PRKAR2B: variants seen among roughly 807,000 people sequenced by gnomAD.
PRKAR2B encodes cAMP-dependent protein kinase type II-beta regulatory subunit.
In PRKAR2B, 14 loss-of-function variants were observed where a neutral mutation model predicts 49.9. The ratio of observed to expected loss-of-function variants is 0.28; its 90% CI spans 0.19 to 0.44. The LOEUF is 0.44. Among genes scored for constraint, PRKAR2B ranks in the 20% least tolerant of loss-of-function variants. PRKAR2B has a pLI of 1.00. For synonymous variants in PRKAR2B, 196 were observed against 197.7 expected (o/e 0.99, Z 0.07); for missense variants, 393 against 537.9 (o/e 0.73, Z 2.67).
chr7:107,128,707 A>G (rs1371421844), intron 4 of PRKAR2B: 2 of 156,102 alleles, frequency 1.3e-5, no homozygotes, highest in East Asian at 3.7e-4. Context: ...AGTGGTAGTA[A>G]TTATATTTGA....
chr7:107,140,717 G>C, intron 4 of PRKAR2B, 130 bp from the exon 5 acceptor site: 1 of 558,636 alleles, frequency 1.8e-6, no homozygotes, highest in South Asian at 2.6e-5. Context: ...GTATTTTTCT[G>C]ACAACATTTA....
chr7:107,141,649 A>G (rs560945176), intron 5 of PRKAR2B, among the ~76,000 whole-genome samples: 14 of 152,322 alleles, frequency 9.2e-5, no homozygotes, highest in South Asian at 4.1e-4. Flanking sequence ...CCGATACTGC[A>G]CCATTTGCAC....
intron 1 of PRKAR2B, chr7:107,068,766 A>G (rs1318757450): frequency 6.6e-6 from 1 of 152,214 alleles, no homozygotes; most frequent in Non-Finnish European, 1.5e-5. Context: ...GTATGATTTC[A>G]GGAATCTGTA....
At chr7:107,156,217 G>A (rs937106215) in intron 8 of PRKAR2B, among the ~76,000 whole-genome samples, 4 of 152,048 alleles carry the variant, frequency 2.6e-5, no homozygotes, top group Non-Finnish European at 5.9e-5. Flanking sequence ...ATGTATACCT[G>A]TGTAACAAAC....
At chr7:107,086,931 A>G (rs908151345) in intron 2 of PRKAR2B, among the ~76,000 whole-genome samples, 3 of 152,302 alleles carry the variant, frequency 2.0e-5, no homozygotes, top group East Asian at 3.9e-4. Context: ...TAACTAACGT[A>G]TAACAACTAT....
At chr7:107,147,757 C>T (rs1000464868) in intron 6 of PRKAR2B, among the ~76,000 whole-genome samples, 3 of 152,166 alleles carry the variant, frequency 2.0e-5, no homozygotes, top group Non-Finnish European at 2.9e-5. Flanking sequence ...AATAGCCCAC[C>T]CACTAGTTTT....
At chr7:107,083,323 G>T (rs986552067) in intron 2 of PRKAR2B, among the ~76,000 whole-genome samples, 9 of 151,998 alleles carry the variant, frequency 5.9e-5, no homozygotes, top group East Asian at 3.9e-4. Context: ...TCAAATTTTT[G>T]AATAAAGATT....
Position 107,151,019 on chromosome 7 carries a change from T to C in PRKAR2B, c.839T>C (p.Leu280Ser). ...GAGTCACTGCCATTCCTTAAATCTT[T>C]GGAGGTAAGTATATGTTTATGCTTT... ...FIESLPFLKS[L>S]EFSERLKVVD... The change falls in exon 7 of 11, where the codon TTG becomes TCG. Residue 280 changes from leucine (L) to serine (S), a missense_variant. Physicochemically the swap from Leu to Ser is moderately radical, Grantham distance 145 (BLOSUM62 -2). Transcript: ENST00000265717. 1 of 1,545,128 alleles carries C rather than the reference T, an allele frequency of 6.5e-7. No individual in the cohort carries two copies. Among genetic ancestry groups the C allele is most frequent in the Non-Finnish European group, 8.8e-7 (1 of 1,135,436 alleles).
At chr7:107,110,700 C>T (rs962852935) in intron 2 of PRKAR2B, among the ~76,000 whole-genome samples, 12 of 151,942 alleles carry the variant, frequency 7.9e-5, no homozygotes, top group African/African-American at 2.9e-4. Flanking sequence ...AGGGAAGGAC[C>T]CAGTACTGGC....
At chr7:107,136,615 T>C (rs1795706606) in intron 4 of PRKAR2B, among the ~76,000 whole-genome samples, 1 of 152,220 alleles carries the variant, frequency 6.6e-6, no homozygotes, top group Non-Finnish European at 1.5e-5. Context: ...GAGATAGTAC[T>C]ACACATCTAT....
At position 107,134,091 on chromosome 7, in the gene PRKAR2B, C is replaced by T. The variant is rs147486928; in HGVS notation, c.480+5796C>T. ...TTGCCCAGGTTGGAGTGTAGTGGCA[C>T]GATCATGGCTCACTGCAACCTCCGC... On this transcript the variant is annotated intron_variant, in intron 4 of 10. Coordinates refer to ENST00000265717, the MANE Select transcript of PRKAR2B (RefSeq NM_002736.3). Among the ~76,000 whole-genome samples, 743 of 152,054 alleles carry T rather than the reference C, an allele frequency of 4.9e-3. 4 individuals are homozygous for T. The highest frequency in any genetic ancestry group is 0.017 in the African/African-American group (703 of 41,466).
rs1314625848 is a variant in PRKAR2B, at chr7:107,085,026, T to G, written c.343+14710T>G. Among the ~76,000 whole-genome samples, 8 of 152,194 alleles carry G rather than the reference T, an allele frequency of 5.3e-5. No individual in the cohort carries two copies. In the East Asian group the frequency reaches 1.5e-3, roughly 29 times the overall value. On this transcript the variant is annotated intron_variant, in intron 2 of 10. Transcript: ENST00000265717. ...CTGAGGAAGTCATGTTTGCTTGGTT[T>G]GCAGAATTGTGATTATTAAATATCA... is the stretch of plus-strand genomic sequence containing the variant.
chr7:107,136,105 G>C (rs1049855579), intron 4 of PRKAR2B, among the ~76,000 whole-genome samples: 1 of 152,108 alleles, frequency 6.6e-6, no homozygotes, highest in Non-Finnish European at 1.5e-5. Context: ...TTCAACAAAT[G>C]GTGCTGGAAA....
At chr7:107,087,337 A>C (rs1251876255) in intron 2 of PRKAR2B, among the ~76,000 whole-genome samples, 2 of 152,168 alleles carry the variant, frequency 1.3e-5, no homozygotes, top group African/African-American at 4.8e-5. Flanking sequence ...TAACATAAAG[A>C]TATTTCATTT....
chr7:107,080,686 C>G (rs761949657), intron 2 of PRKAR2B, among the ~76,000 whole-genome samples: 2 of 152,154 alleles, frequency 1.3e-5, no homozygotes, highest in Non-Finnish European at 2.9e-5. Flanking sequence ...CTAAACTTTC[C>G]TTAAGGCTAA....
At chr7:107,098,451 C>T (rs966607665) in intron 2 of PRKAR2B, among the ~76,000 whole-genome samples, 8 of 152,142 alleles carry the variant, frequency 5.3e-5, no homozygotes, top group African/African-American at 1.7e-4. Context: ...GCAGTGGGTT[C>T]GAACATCCTC....
intron 2 of PRKAR2B, among the ~76,000 whole-genome samples, chr7:107,121,067 A>AT (rs1423425358): frequency 3.3e-5 from 5 of 151,498 alleles, no homozygotes; most frequent in Non-Finnish European, 7.4e-5. Context: ...ATTGACAAAG[A>AT]TTTTAAGCAA....
At chr7:107,096,289 A>T (rs1264212017) in intron 2 of PRKAR2B, among the ~76,000 whole-genome samples, 1 of 152,114 alleles carries the variant, frequency 6.6e-6, no homozygotes, top group East Asian at 1.9e-4. Flanking sequence ...GTTGATTTGC[A>T]TAGAGGTGTT....
intron 3 of PRKAR2B, among the ~76,000 whole-genome samples, chr7:107,127,218 T>C (rs1212924154): frequency 6.6e-6 from 1 of 152,220 alleles, no homozygotes; most frequent in African/African-American, 2.4e-5. Flanking sequence ...GCAGGCTGCC[T>C]GAAGAGGCAA....
Sources: gnomAD v4.1 joint callset for allele counts (sites outside exome capture counted in the v4.1 genomes callset) on GRCh38, gnomAD v4.1.1 for gene constraint, MANE v1.5 for transcripts, NCBI Gene and HGNC (gene_info 2026-07-23, HGNC 2026-07-21) for gene names.